Variants in GRIK4 observed in about 807,000 individuals in gnomAD.
The protein encoded by GRIK4 is glutamate receptor ionotropic, kainate 4.
Under a neutral mutation model 104.9 loss-of-function variants are expected in GRIK4, and 40 were observed. The observed-to-expected ratio is 0.38, with a 90% CI of 0.30 to 0.50. The LOEUF (loss-of-function observed/expected upper bound fraction) is 0.50. Ranked by LOEUF, GRIK4 falls within the 20% of genes least tolerant of loss-of-function variation. The pLI is 0.93. For synonymous variants in GRIK4, 485 were observed against 524.9 expected (o/e 0.92, Z 1.04); for missense variants, 1,047 against 1,308.1 (o/e 0.80, Z 3.08).
At chr11:120,835,811 C>T (rs117786762) in intron 7 of GRIK4, among the ~76,000 whole-genome samples, 2,941 of 152,186 alleles carry the variant, frequency 0.019, 40 homozygotes, top group Non-Finnish European at 0.026. Context: ...CACTCAAAGC[C>T]AGGCACACTG....
At chr11:120,871,553 A>G (rs1482746257) in intron 9 of GRIK4, 3 of 455,802 alleles carry the variant, frequency 6.6e-6, no homozygotes, top group African/African-American at 6.0e-5. Flanking sequence ...CATGGTGAGA[A>G]TTGGGTGTCC....
chr11:120,913,282 G>A (rs151238614), intron 13 of GRIK4, among the ~76,000 whole-genome samples: 9 of 152,158 alleles, frequency 5.9e-5, no homozygotes, highest in African/African-American at 1.9e-4. Flanking sequence ...CTTCTGAGAT[G>A]TCCTTCCAGA....
intron 7 of GRIK4, among the ~76,000 whole-genome samples, chr11:120,834,615 C>T (rs907063621): frequency 6.6e-6 from 1 of 152,168 alleles, no homozygotes; most frequent in Non-Finnish European, 1.5e-5. Context: ...GGATGGGAAG[C>T]AGAGTGGGCA....
intron 3 of GRIK4, among the ~76,000 whole-genome samples, chr11:120,779,004 T>C (rs1426979017): frequency 6.6e-6 from 1 of 152,190 alleles, no homozygotes; most frequent in Non-Finnish European, 1.5e-5. Context: ...TGAGAGCACC[T>C]TGACTGCTCT....
chr11:120,617,744 T>A (rs1226420395), intron 1 of GRIK4, among the ~76,000 whole-genome samples: 1 of 152,138 alleles, frequency 6.6e-6, no homozygotes, highest in Admixed American at 6.5e-5. Context: ...AAGTGCTCAC[T>A]CCTCCTTTGC....
At chr11:120,754,994 T>C (rs1951628165) in intron 3 of GRIK4, among the ~76,000 whole-genome samples, 2 of 152,248 alleles carry the variant, frequency 1.3e-5, no homozygotes, top group African/African-American at 4.8e-5. Context: ...TTCTTCACAG[T>C]GTCCTTTGAA....
chr11:120,788,377 G>A (rs1419242656), intron 3 of GRIK4, among the ~76,000 whole-genome samples: 2 of 152,054 alleles, frequency 1.3e-5, no homozygotes, highest in Non-Finnish European at 2.9e-5. Flanking sequence ...TCTTGTATGT[G>A]TCATTACCAC....
chr11:120,777,458 T>C (rs553045979), intron 3 of GRIK4, among the ~76,000 whole-genome samples: 1 of 152,248 alleles, frequency 6.6e-6, no homozygotes, highest in Non-Finnish European at 1.5e-5. Context: ...CAGCCGCCAT[T>C]CATGTCTTAC....
chr11:120,782,582 G>T (rs1348430445), intron 3 of GRIK4, among the ~76,000 whole-genome samples: 1 of 152,206 alleles, frequency 6.6e-6, no homozygotes, highest in African/African-American at 2.4e-5. Flanking sequence ...ACCGCGCCTG[G>T]CCGCCAGTAT....
rs769794368 is a variant in GRIK4 at position 120,948,100 on chromosome 11, A to G, written c.1591-4755A>G. 3.3e-5 allele frequency among the ~76,000 whole-genome samples: 5 copies of G among 152,186 alleles called. No individual in the cohort carries two copies. The East Asian group carries it at 5.8e-4, about 18-fold the overall frequency. On this transcript the variant is annotated intron_variant, in intron 14 of 20. Coordinates refer to ENST00000527524, the MANE Select transcript of GRIK4 (RefSeq NM_014619.5). ...GCAGACACACTGAGGGAAGCCATCCATGGGATCCTGCTGAGGGACAGGAAG... is the reference window on the plus strand; with the variant it reads ...GCAGACACACTGAGGGAAGCCATCCGTGGGATCCTGCTGAGGGACAGGAAG...
intron 6 of GRIK4, among the ~76,000 whole-genome samples, chr11:120,826,797 A>C (rs1565376502): frequency 6.6e-6 from 1 of 152,166 alleles, no homozygotes; most frequent in Non-Finnish European, 1.5e-5. Flanking sequence ...AGGATGGGAC[A>C]AATTTGGGAT....
Position 120,986,430 on chromosome 11 carries a change from C to T in GRIK4, c.*170C>T, listed in dbSNP as rs549724802. 4 of 943,104 alleles carry T rather than the reference C, an allele frequency of 4.2e-6. No homozygotes were observed. The highest frequency in any genetic ancestry group is 3.9e-5 in the South Asian group (2 of 51,388). 58.4% of individuals were successfully genotyped at this position (943,104 alleles called of 1,614,324 possible). ...GGAGCCTGACGCCCCAGCCAGAGAC[C>T]GCGCCCGGTCAGGGAGCAGGGTCCA... On this transcript the variant is annotated 3_prime_UTR_variant, in exon 21 of 21. Coordinates refer to ENST00000527524, the MANE Select transcript of GRIK4 (RefSeq NM_014619.5).
intron 13 of GRIK4, chr11:120,936,441 T>A: frequency 4.3e-6 from 1 of 230,890 alleles, no homozygotes; most frequent in Non-Finnish European, 8.6e-6. Context: ...TTCATTTCTC[T>A]TTCATAACAG....
chr11:120,866,724 T>C (rs1311135741), intron 9 of GRIK4, among the ~76,000 whole-genome samples: 2 of 152,210 alleles, frequency 1.3e-5, no homozygotes, highest in East Asian at 3.9e-4. Context: ...GCCTCAGGAC[T>C]GCAGCTGGTC....
chr11:120,631,441 G>A (rs1007448537), intron 1 of GRIK4, among the ~76,000 whole-genome samples: 9 of 152,160 alleles, frequency 5.9e-5, no homozygotes, highest in African/African-American at 9.7e-5. Context: ...AAGCATCGAT[G>A]CCCAGTGTAG....
intron 3 of GRIK4, among the ~76,000 whole-genome samples, chr11:120,762,065 T>C (rs892786974): frequency 1.3e-5 from 2 of 152,230 alleles, no homozygotes; most frequent in African/African-American, 4.8e-5. Context: ...ATGATATTCT[T>C]CCTATCCATG....
Position 120,953,854 on chromosome 11 carries a change from C to T in GRIK4, c.1700+890C>T, listed in dbSNP as rs1419958172. On this transcript the variant is annotated intron_variant, in intron 15 of 20. Transcript: ENST00000527524. The surrounding 1 kb of genome is among the most constrained non-coding windows in gnomAD (Gnocchi z 4.9). ...CACTCAGGTCCCTAGTGCTGCTAAC[C>T]CTCCACTTACTGCAGTGGAGGCTCA... is the stretch of plus-strand genomic sequence containing the variant. 6.6e-6 allele frequency among the ~76,000 whole-genome samples: 1 copy of T among 152,200 alleles called. No individual in the cohort carries two copies. The highest frequency in any genetic ancestry group is 1.5e-5 in the Non-Finnish European group (1 of 68,026).
intron 3 of GRIK4, among the ~76,000 whole-genome samples, chr11:120,703,045 A>G (rs112785098): frequency 0.013 from 1,951 of 152,264 alleles, 38 homozygotes; most frequent in African/African-American, 0.042. Flanking sequence ...AGGCTTTGAA[A>G]TCAGTGTTGG....
chr11:120,879,244 C>G (rs11218041), intron 11 of GRIK4, among the ~76,000 whole-genome samples: 7,781 of 152,260 alleles, frequency 0.051, 773 homozygotes, highest in East Asian at 0.45. Flanking sequence ...CAAATCAAAC[C>G]CCTTCAGCCA....
Sources: allele counts gnomAD v4.1 joint callset (sites outside exome capture counted in the v4.1 genomes callset), GRCh38; gene constraint gnomAD v4.1.1; non-coding constraint Gnocchi (gnomAD v3.1); transcripts MANE v1.5; gene names NCBI Gene and HGNC (gene_info 2026-07-23, HGNC 2026-07-21).